SKA3: variants seen among roughly 807,000 people sequenced by gnomAD.
SKA3 encodes the protein spindle and kinetochore-associated protein 3.
In SKA3, 39 loss-of-function variants were observed where a neutral mutation model predicts 44.2. The observed-to-expected ratio is 0.88, with a 90% CI of 0.68 to 1.15. The LOEUF is 1.15. Ranked by LOEUF, SKA3 falls within the 50% of genes most tolerant of loss-of-function variation. SKA3 has a pLI of 0.00. For missense variants in SKA3, 511 were observed against 485.8 expected (o/e 1.05, Z -0.49); for synonymous variants, 192 against 172.0 (o/e 1.12, Z -0.91).
intron 4 of SKA3, among the ~76,000 whole-genome samples, chr13:21,164,937 T>C (rs1004490434): frequency 1.3e-5 from 2 of 152,170 alleles, no homozygotes; most frequent in Non-Finnish European, 2.9e-5. Flanking sequence ...TGTCTAATCA[T>C]GTCAATTAAT....
chr13:21,175,082 T>C (rs982431977), intron 1 of SKA3, among the ~76,000 whole-genome samples: 1 of 152,012 alleles, frequency 6.6e-6, no homozygotes, highest in Non-Finnish European at 1.5e-5. Context: ...GTTCAAGCGA[T>C]TCTCCCACCT....
rs1412950315 is a variant in SKA3 at position 21,156,780 on chromosome 13, G to GAGGGGGACTGTCAAAGAATCAGA, written c.1120-970_1120-969insTCTGATTCTTTGACAGTCCCCCT. On this transcript the variant is annotated intron_variant, in intron 7 of 8. Coordinates refer to ENST00000314759, the MANE Select transcript of SKA3 (RefSeq NM_145061.6). ...TGGCTATTAAGAATTCCACACGTGGGCCGGGCGCGGTGGCTCACGCCTGTA... is the reference window on the plus strand; with the variant it reads ...TGGCTATTAAGAATTCCACACGTGGGAGGGGGACTGTCAAAGAATCAGACCGGGCGCGGTGGCTCACGCCTGTA... Among the ~76,000 whole-genome samples, 103 of 3,590 alleles carry GAGGGGGACTGTCAAAGAATCAGA rather than the reference G, an allele frequency of 0.029. 39 individuals are homozygous for GAGGGGGACTGTCAAAGAATCAGA. The East Asian group carries it at 0.92, about 32-fold the overall frequency. 2.4% of individuals were successfully genotyped at this position (3,590 alleles called of 152,430 possible). A position where few individuals can be genotyped will look rare whatever the true frequency, so the allele number is the denominator to read the frequency against.
chr13:21,153,886 T>G lies in SKA3; in HGVS notation c.*1264A>C, dbSNP rs1869941330. On this transcript the variant is annotated 3_prime_UTR_variant, in exon 9 of 9. Transcript: ENST00000314759. ...TGGCATACATAAGGCTGACTACAGCTTTACTTTGAAAAACAAAACTAAGTA... is the reference window on the plus strand; with the variant it reads ...TGGCATACATAAGGCTGACTACAGCGTTACTTTGAAAAACAAAACTAAGTA... The G allele has an allele frequency of 6.6e-6, 1 of 152,248 alleles. No homozygotes were observed. The highest frequency in any genetic ancestry group is 2.4e-5 in the African/African-American group (1 of 41,456). 9.4% of individuals were successfully genotyped at this position (152,248 alleles called of 1,614,324 possible). A position where few individuals can be genotyped will look rare whatever the true frequency, so the allele number is the denominator to read the frequency against.
rs1869962649 is a variant in SKA3 at position 21,154,185 on chromosome 13, T to A, written c.*965A>T. The A allele has an allele frequency of 6.6e-6, 1 of 152,276 alleles. No homozygotes were observed. Among genetic ancestry groups the A allele is most frequent in the Non-Finnish European group, 1.5e-5 (1 of 68,048 alleles). The allele number at this position is 152,276 out of a possible 1,614,324, so 9.4% of individuals were successfully genotyped here. On this transcript the variant is annotated 3_prime_UTR_variant, in exon 9 of 9. Transcript: ENST00000314759. Reference sequence around the variant, plus strand: ...AAATTTTTAATGGTTCTCCACAGTATGCTAGGTCCTTATTTTCTCATTGGC... The same window carrying A: ...AAATTTTTAATGGTTCTCCACAGTAAGCTAGGTCCTTATTTTCTCATTGGC...
rs1870349207 is a variant in SKA3, at chr13:21,159,996, C to A, written c.830-9G>T. 2.5e-6 allele frequency: 3 copies of A among 1,202,202 alleles called. No homozygotes were observed. Among genetic ancestry groups the A allele is most frequent in the African/African-American group, 1.5e-5 (1 of 68,334 alleles). 74.5% of individuals were successfully genotyped at this position (1,202,202 alleles called of 1,614,324 possible). ...GTTGGTATATTCGGCATCTAAAAGACACATAAAATGGTCATTAAAAAACTA... is the reference window on the plus strand; with the variant it reads ...GTTGGTATATTCGGCATCTAAAAGAAACATAAAATGGTCATTAAAAAACTA... On this transcript the variant is annotated splice_polypyrimidine_tract_variant and intron_variant, in intron 5 of 8. Coordinates refer to ENST00000314759, the MANE Select transcript of SKA3 (RefSeq NM_145061.6).
intron 8 of SKA3, 68 bp downstream of exon 8, chr13:21,155,625 A>C: frequency 9.8e-7 from 1 of 1,021,342 alleles, no homozygotes; most frequent in African/African-American, 1.6e-5. Flanking sequence ...CAGGATGGTC[A>C]AATGTTAATT....
intron 1 of SKA3, among the ~76,000 whole-genome samples, chr13:21,176,136 C>T (rs747827044): frequency 5.3e-5 from 8 of 152,168 alleles, no homozygotes; most frequent in Non-Finnish European, 1.0e-4. Flanking sequence ...TGGGGTTGTA[C>T]ATGGGTCTAA....
rs757930416 is a variant in SKA3, at chr13:21,172,589, AAAT to A, written c.165+28_165+30del. On this transcript the variant is annotated intron_variant, in intron 2 of 8. Transcript: ENST00000314759. ...GATAAAAAAATTACTCGCCACAGAA[AAAT>A]AATAAATCAATATTGTAGGAGTGAT... 3.2e-5 allele frequency: 49 copies of A among 1,541,458 alleles called. No homozygotes were observed. The South Asian group carries it at 5.7e-4, about 18-fold the overall frequency.
In SKA3 at chr13:21,168,289, T is replaced by A. The variant is rs1471994494; in HGVS notation, c.442A>T (p.Ile148Phe). The A allele has an allele frequency of 6.2e-7, 1 of 1,614,152 alleles. No homozygotes were observed. The highest frequency in any genetic ancestry group is 8.5e-7 in the Non-Finnish European group (1 of 1,180,032). ...GGACTACGTGGAGACTTCTCAGAAATACAACTGCTTGCAACAGGAGGATCA... is the reference window on the plus strand; with the variant it reads ...GGACTACGTGGAGACTTCTCAGAAAAACAACTGCTTGCAACAGGAGGATCA... ...LSDPPVASSC[I>F]SEKSPRSPQL... is the part of the protein sequence containing the mutation. The change falls in exon 4 of 9, where the codon ATT becomes TTT. Residue 148 changes from isoleucine (I) to phenylalanine (F), a missense_variant. By Grantham distance (21) the Ile-to-Phe change is conservative. Transcript: ENST00000314759.
At chr13:21,160,020 T>C (rs999996701) in intron 5 of SKA3, 33 bp from the exon 6 acceptor site, 7 of 1,116,516 alleles carry the variant, frequency 6.3e-6, no homozygotes, top group African/African-American at 1.5e-5. Flanking sequence ...ATTAAAAAAC[T>C]ATAACTATAG....
chr13:21,163,162 G>T (rs1234363106), intron 4 of SKA3, among the ~76,000 whole-genome samples: 1 of 151,826 alleles, frequency 6.6e-6, no homozygotes. Flanking sequence ...GGGAAAATTG[G>T]AAAGAACCAA....
chr13:21,166,559 C>A (rs1181651219), intron 4 of SKA3, among the ~76,000 whole-genome samples: 1 of 152,072 alleles, frequency 6.6e-6, no homozygotes, highest in Non-Finnish European at 1.5e-5. Flanking sequence ...CATGGTGAAA[C>A]CCTGTCTCTA....
In SKA3 at chr13:21,155,751, T is replaced by C. The variant is rs561069391; in HGVS notation, c.1180A>G (p.Ser394Gly). 3.7e-5 allele frequency: 59 copies of C among 1,612,504 alleles called. No individual in the cohort carries two copies. In the East Asian group the frequency reaches 1.2e-3, roughly 34 times the overall value. ...TGTCCATGTTTAAGGAACCTTTTAC[T>C]GGGTGGCACTGCTTTAATTGCTATT... ...TPIAIKAVPP[S>G]KRFLKHGQNI... Residue 394 changes from serine to glycine, a missense_variant, in exon 8 of 9, where the codon AGT (serine) becomes GGT (glycine). Ser to Gly is a moderately conservative substitution (Grantham distance 56, BLOSUM62 0). Coordinates refer to ENST00000314759, the MANE Select transcript of SKA3 (RefSeq NM_145061.6).
chr13:21,168,700 AT>A (rs1002773149), intron 3 of SKA3, among the ~76,000 whole-genome samples: 4 of 151,402 alleles, frequency 2.6e-5, no homozygotes, highest in Non-Finnish European at 5.9e-5. Flanking sequence ...AATTTTAAAA[AT>A]TTTTTTTTGT....
chr13:21,173,220 G>GTC (rs755510917), intron 1 of SKA3, among the ~76,000 whole-genome samples: 2 of 152,150 alleles, frequency 1.3e-5, no homozygotes, highest in African/African-American at 2.4e-5. Context: ...CCCTCTTATA[G>GTC]TCTCTCCCTT....
At position 21,155,119 on chromosome 13, in the gene SKA3, A is replaced by G; in HGVS notation, c.*31T>C. On this transcript the variant is annotated 3_prime_UTR_variant, in exon 9 of 9. Transcript: ENST00000314759. The stretch of plus-strand genomic sequence containing the variant: ...GCTCGGCTTTCATCTCATTTTGTTC[A>G]GTTTCTGTGTTGGATAGATCCACTG... 1 of 1,612,558 alleles carries G rather than the reference A, an allele frequency of 6.2e-7. No individual in the cohort carries two copies. Among genetic ancestry groups the G allele is most frequent in the East Asian group, 2.2e-5 (1 of 44,874 alleles).
chr13:21,161,489 G>A (rs1017021656), intron 5 of SKA3, among the ~76,000 whole-genome samples: 8 of 152,098 alleles, frequency 5.3e-5, no homozygotes, highest in Non-Finnish European at 1.2e-4. Context: ...TAATCAATAG[G>A]TTAAAAGAAA....
At chr13:21,159,810 T>C (rs1228327728) in intron 6 of SKA3, 92 bp downstream of exon 6, 1 of 730,156 alleles carries the variant, frequency 1.4e-6, no homozygotes, top group East Asian at 4.4e-5. Context: ...GATTCATCCA[T>C]GTCTTCTAAA....
chr13:21,169,834 C>G (rs376216613), intron 3 of SKA3, among the ~76,000 whole-genome samples: 1 of 152,078 alleles, frequency 6.6e-6, no homozygotes, highest in Non-Finnish European at 1.5e-5. Flanking sequence ...GATAGGGTTT[C>G]GCCATGTTGC....
Sources: allele counts gnomAD v4.1 joint callset (sites outside exome capture counted in the v4.1 genomes callset), GRCh38; gene constraint gnomAD v4.1.1; transcripts MANE v1.5; gene names NCBI Gene and HGNC (gene_info 2026-07-23, HGNC 2026-07-21).